PPARA: variants seen among roughly 807,000 people sequenced by gnomAD.
PPARA encodes peroxisome proliferator-activated receptor alpha.
In PPARA, 22 loss-of-function variants were observed where a neutral mutation model predicts 42.2. That is an observed-to-expected ratio of 0.52 (90% CI 0.37 to 0.74). The LOEUF (loss-of-function observed/expected upper bound fraction) is 0.74, where lower values mean the gene tolerates loss of function less well. Ranked by LOEUF, PPARA falls within the 30% of genes least tolerant of loss-of-function variation. The probability of loss-of-function intolerance (pLI) is 0.00; values close to 1 mark genes in which losing one functional copy is unlikely to be tolerated. For synonymous variants in PPARA, 242 were observed against 239.3 expected (o/e 1.01, Z -0.10); for missense variants, 465 against 608.2 (o/e 0.76, Z 2.48).
At position 46,235,636 on chromosome 22, in the gene PPARA, GTC is replaced by G; in HGVS notation, c.*258_*259del. On this transcript the variant is annotated 3_prime_UTR_variant, in exon 9 of 9. Transcript: ENST00000407236. The surrounding 1 kb of genome is among the most constrained non-coding windows in gnomAD (Gnocchi z 7.0). The stretch of plus-strand genomic sequence containing the variant: ...AGATTACGGCGAATTATGCTCAATG[GTC>G]TGATTTTAACTCACCCGATGTTAAT... The G allele has an allele frequency of 1.9e-6, 1 of 517,612 alleles. No homozygotes were observed. Among genetic ancestry groups the G allele is most frequent in the Non-Finnish European group, 3.5e-6 (1 of 285,600 alleles). 32.1% of individuals were successfully genotyped at this position (517,612 alleles called of 1,614,324 possible). A position where few individuals can be genotyped will look rare whatever the true frequency, so the allele number is the denominator to read the frequency against.
rs1262339397 is a variant in PPARA, at chr22:46,160,377, A to G, written c.-127+8407A>G. On this transcript the variant is annotated intron_variant, in intron 2 of 8. Transcript: ENST00000407236. This position sits in a 1 kb window ranked among gnomAD's most constrained non-coding sequence, Gnocchi z 4.5. The stretch of plus-strand genomic sequence containing the variant: ...AGTGGTGCGATCTCAGCTCACTGCA[A>G]TCTCTGCCTCCTGGGTTCAAGCGAT... 6.6e-6 allele frequency among the ~76,000 whole-genome samples: 1 copy of G among 152,062 alleles called. No individual in the cohort carries two copies. Among genetic ancestry groups the G allele is most frequent in the East Asian group, 1.9e-4 (1 of 5,188 alleles).
rs1343013151 is a variant in PPARA at position 46,191,456 on chromosome 22, A to T, written c.-42-6886A>T. Among the ~76,000 whole-genome samples the T allele has an allele frequency of 6.7e-6, 1 of 149,550 alleles. No individual in the cohort carries two copies. Among genetic ancestry groups the T allele is most frequent in the East Asian group, 2.0e-4 (1 of 5,124 alleles). On this transcript the variant is annotated intron_variant, in intron 3 of 8. Transcript: ENST00000407236. The surrounding 1 kb of genome is among the most constrained non-coding windows in gnomAD (Gnocchi z 4.6). The stretch of plus-strand genomic sequence containing the variant: ...CCTGAGGAAGGGAGTGGAACTGATA[A>T]TCTGTTCCTCCCTATTGTGTTCAGT...
At chr22:46,201,873 T>C (rs1932855305) in intron 4 of PPARA, among the ~76,000 whole-genome samples, 1 of 152,238 alleles carries the variant, frequency 6.6e-6, no homozygotes, top group Non-Finnish European at 1.5e-5. Flanking sequence ...TAGAAAAATC[T>C]TTTCCTTATG....
rs750392125 is a variant in PPARA at position 46,225,061 on chromosome 22, C to T, written c.711+5047C>T. 2.0e-5 allele frequency among the ~76,000 whole-genome samples: 3 copies of T among 151,204 alleles called. No homozygotes were observed. The highest frequency in any genetic ancestry group is 4.9e-5 in the African/African-American group (2 of 41,010). ...CGGGGTTGGAACCGGCCAGGGTGCA[C>T]GGAGGAGGCTGTGGGGGCAGGGGGA... is the stretch of plus-strand genomic sequence containing the variant. On this transcript the variant is annotated intron_variant, in intron 7 of 8. Transcript: ENST00000407236. The surrounding 1 kb of genome is among the most constrained non-coding windows in gnomAD (Gnocchi z 4.1).
In PPARA at chr22:46,195,913, C is replaced by G. The variant is rs1932178319; in HGVS notation, c.-42-2429C>G. On this transcript the variant is annotated intron_variant, in intron 3 of 8. Coordinates refer to ENST00000407236, the MANE Select transcript of PPARA (RefSeq NM_005036.6). The surrounding 1 kb of genome is among the most constrained non-coding windows in gnomAD (Gnocchi z 4.6). ...GTCAGCCTCGTTGGGTGATTGATGA[C>G]TCAGCTGGGTTCAGGGAGGTGGACC... Among the ~76,000 whole-genome samples, 1 of 152,166 alleles carries G rather than the reference C, an allele frequency of 6.6e-6. No homozygotes were observed. The highest frequency in any genetic ancestry group is 2.1e-4 in the South Asian group (1 of 4,820).
intron 2 of PPARA, among the ~76,000 whole-genome samples, chr22:46,169,395 C>T (rs187441473): frequency 1.3e-5 from 2 of 151,930 alleles, no homozygotes; most frequent in Admixed American, 6.6e-5. Flanking sequence ...CCACCACGCC[C>T]GGCTAATTTT....
In PPARA at chr22:46,227,802, T is replaced by C. The variant is rs1275725624; in HGVS notation, c.712-3990T>C. Among the ~76,000 whole-genome samples, 1 of 152,254 alleles carries C rather than the reference T, an allele frequency of 6.6e-6. No individual in the cohort carries two copies. Among genetic ancestry groups the C allele is most frequent in the African/African-American group, 2.4e-5 (1 of 41,468 alleles). On this transcript the variant is annotated intron_variant, in intron 7 of 8. Coordinates refer to ENST00000407236, the MANE Select transcript of PPARA (RefSeq NM_005036.6). The surrounding 1 kb of genome is among the most constrained non-coding windows in gnomAD (Gnocchi z 4.3). Reference sequence around the variant, plus strand: ...CTGCCTGTCGTGTCAGATATATTCATAGTCAAGCTTGAGTATAAAAGGCAT... The same window carrying C: ...CTGCCTGTCGTGTCAGATATATTCACAGTCAAGCTTGAGTATAAAAGGCAT...
At position 46,235,650 on chromosome 22, in the gene PPARA, C is replaced by T. The variant is rs1042905371; in HGVS notation, c.*270C>T. ...TATGCTCAATGGTCTGATTTTAACT[C>T]ACCCGATGTTAATCAATGCACATTG... is the stretch of plus-strand genomic sequence containing the variant. On this transcript the variant is annotated 3_prime_UTR_variant, in exon 9 of 9. Transcript: ENST00000407236. The surrounding 1 kb of genome is among the most constrained non-coding windows in gnomAD (Gnocchi z 7.0). 4.1e-6 allele frequency: 2 copies of T among 487,076 alleles called. No homozygotes were observed. Among genetic ancestry groups the T allele is most frequent in the East Asian group, 3.8e-5 (1 of 25,986 alleles). 30.2% of individuals were successfully genotyped at this position (487,076 alleles called of 1,614,324 possible). A position where few individuals can be genotyped will look rare whatever the true frequency, so the allele number is the denominator to read the frequency against.
At chr22:46,213,350 C>G (rs1369136660) in intron 4 of PPARA, among the ~76,000 whole-genome samples, 1 of 151,722 alleles carries the variant, frequency 6.6e-6, no homozygotes, top group African/African-American at 2.4e-5. Flanking sequence ...ATCTGTATAT[C>G]GTCCTTGCTG....
rs1184961812 is a variant in PPARA at position 46,173,938 on chromosome 22, C to T, written c.-126-2815C>T. Among the ~76,000 whole-genome samples, 2 of 151,438 alleles carry T rather than the reference C, an allele frequency of 1.3e-5. No individual in the cohort carries two copies. The highest frequency in any genetic ancestry group is 6.6e-5 in the Admixed American group (1 of 15,210). On this transcript the variant is annotated intron_variant, in intron 2 of 8. Coordinates refer to ENST00000407236, the MANE Select transcript of PPARA (RefSeq NM_005036.6). The surrounding 1 kb of genome is among the most constrained non-coding windows in gnomAD (Gnocchi z 4.3). ...AGAAATTATGGGCTAGGTGCAGTGG[C>T]TCATGCCTGTAATCCCAGCACTTTG...
rs1308386103 is a variant in PPARA, at chr22:46,190,873, A to G, written c.-42-7469A>G. 6.6e-6 allele frequency among the ~76,000 whole-genome samples: 1 copy of G among 152,236 alleles called. No homozygotes were observed. The highest frequency in any genetic ancestry group is 1.5e-5 in the Non-Finnish European group (1 of 68,044). On this transcript the variant is annotated intron_variant, in intron 3 of 8. Transcript: ENST00000407236. The surrounding 1 kb of genome is among the most constrained non-coding windows in gnomAD (Gnocchi z 5.6). ...TTGGGACAGTATTCAGCTACCTGCT[A>G]TTTAATACATTATTTCAGAAAATAT...
rs867308624 is a variant in PPARA, at chr22:46,183,945, G to A, written c.-43+7109G>A. 6.6e-6 allele frequency among the ~76,000 whole-genome samples: 1 copy of A among 152,046 alleles called. No individual in the cohort carries two copies. The highest frequency in any genetic ancestry group is 1.5e-5 in the Non-Finnish European group (1 of 67,988). On this transcript the variant is annotated intron_variant, in intron 3 of 8. Coordinates refer to ENST00000407236, the MANE Select transcript of PPARA (RefSeq NM_005036.6). This position sits in a 1 kb window ranked among gnomAD's most constrained non-coding sequence, Gnocchi z 5.5. Reference sequence around the variant, plus strand: ...GGTCCCGGTGGTTCTGTGCCCCAGCGCATGTTGTGGTAGCCTCTCTGTACT... The same window carrying A: ...GGTCCCGGTGGTTCTGTGCCCCAGCACATGTTGTGGTAGCCTCTCTGTACT...
intron 5 of PPARA, 71 bp downstream of exon 5, chr22:46,215,404 G>C: frequency 1.3e-6 from 2 of 1,589,932 alleles, no homozygotes; most frequent in Non-Finnish European, 1.7e-6. Flanking sequence ...TATAGCAAAT[G>C]GCAGTCATTA....
chr22:46,181,629 C>G, intron 3 of PPARA, among the ~76,000 whole-genome samples: 1 of 152,106 alleles, frequency 6.6e-6, no homozygotes, highest in East Asian at 1.9e-4. Flanking sequence ...GTGGAATGGC[C>G]TTCTTTTAAT....
Position 46,204,530 on chromosome 22 carries a change from G to A in PPARA, c.208+5939G>A, listed in dbSNP as rs1286354056. 6.6e-6 allele frequency among the ~76,000 whole-genome samples: 1 copy of A among 152,146 alleles called. No homozygotes were observed. The highest frequency in any genetic ancestry group is 1.5e-5 in the Non-Finnish European group (1 of 68,036). On this transcript the variant is annotated intron_variant, in intron 4 of 8. Transcript: ENST00000407236. This position sits in a 1 kb window ranked among gnomAD's most constrained non-coding sequence, Gnocchi z 5.2. ...TTCCTCCATACCCTCATCAACATGA[G>A]GCATGATCAGTCTTTTTAATTTTAA...
intron 4 of PPARA, 151 bp downstream of exon 4, chr22:46,198,742 G>T: frequency 1.3e-6 from 1 of 795,670 alleles, no homozygotes; most frequent in Non-Finnish European, 2.0e-6. Context: ...CTCACTGCAG[G>T]CTCCACCTCC....
At chr22:46,205,536 A>T (rs866753473) in intron 4 of PPARA, among the ~76,000 whole-genome samples, 2 of 29,834 alleles carry the variant, frequency 6.7e-5, no homozygotes, top group Non-Finnish European at 1.2e-4. Flanking sequence ...ATATATATAT[A>T]TATATATATA....
Position 46,196,761 on chromosome 22 carries a change from C to T in PPARA, c.-42-1581C>T, listed in dbSNP as rs1003046971. ...GTTTTGAGGTGGAGTCTTGCTTTGTCGCCCAGGCTGGTGTGCAGTGGTGCG... is the reference window on the plus strand; with the variant it reads ...GTTTTGAGGTGGAGTCTTGCTTTGTTGCCCAGGCTGGTGTGCAGTGGTGCG... On this transcript the variant is annotated intron_variant, in intron 3 of 8. Transcript: ENST00000407236. This position sits in a 1 kb window ranked among gnomAD's most constrained non-coding sequence, Gnocchi z 5.6. 5.3e-5 allele frequency among the ~76,000 whole-genome samples: 8 copies of T among 152,196 alleles called. No individual in the cohort carries two copies. The highest frequency in any genetic ancestry group is 1.9e-4 in the East Asian group (1 of 5,202).
rs1238934047 is a variant in PPARA, at chr22:46,221,375, A to G, written c.711+1361A>G. Among the ~76,000 whole-genome samples the G allele has an allele frequency of 1.3e-5, 2 of 152,132 alleles. No individual in the cohort carries two copies. The highest frequency in any genetic ancestry group is 2.9e-5 in the Non-Finnish European group (2 of 68,026). The stretch of plus-strand genomic sequence containing the variant: ...CCATATCATAAGGCTAGAAAAGGAA[A>G]CCACTTACTTCCCACTCAAAATGTG... On this transcript the variant is annotated intron_variant, in intron 7 of 8. Coordinates refer to ENST00000407236, the MANE Select transcript of PPARA (RefSeq NM_005036.6). The surrounding 1 kb of genome is among the most constrained non-coding windows in gnomAD (Gnocchi z 5.9).
Sources: allele counts gnomAD v4.1 joint callset (sites outside exome capture counted in the v4.1 genomes callset), GRCh38; gene constraint gnomAD v4.1.1; non-coding constraint Gnocchi (gnomAD v3.1); transcripts MANE v1.5; gene names NCBI Gene and HGNC (gene_info 2026-07-23, HGNC 2026-07-21).